Variants in DPP4 observed in about 807,000 individuals in gnomAD.
DPP4 encodes ADCP-2.
A neutral mutation model predicts 122.4 loss-of-function variants in DPP4; 93 were observed. That is an observed-to-expected ratio of 0.76 (90% CI 0.64 to 0.90). DPP4 has a LOEUF of 0.90. Among genes scored for constraint, DPP4 ranks in the 40% least tolerant of loss-of-function variants. DPP4 has a pLI of 0.00. For missense variants in DPP4, 914 were observed against 907.3 expected (o/e 1.01, Z -0.09); for synonymous variants, 321 against 302.9 (o/e 1.06, Z -0.62).
At chr2:162,043,771 T>C (rs79009349) in intron 5 of DPP4, among the ~76,000 whole-genome samples, 3,103 of 152,326 alleles carry the variant, frequency 0.02, 114 homozygotes, top group African/African-American at 0.072. Context: ...CTCATGCCTG[T>C]AATCCTAGCA....
At chr2:162,054,034 G>C (rs1440818243) in intron 2 of DPP4, among the ~76,000 whole-genome samples, 1 of 152,162 alleles carries the variant, frequency 6.6e-6, no homozygotes, top group Non-Finnish European at 1.5e-5. Context: ...TACTGGGGGG[G>C]TGGGGGTGGT....
intron 14 of DPP4, among the ~76,000 whole-genome samples, chr2:162,019,672 T>C (rs1683051337): frequency 6.6e-6 from 1 of 152,022 alleles, no homozygotes; most frequent in Non-Finnish European, 1.5e-5. Flanking sequence ...CCCATGTTCC[T>C]GAGAGCAGCA....
chr2:162,069,909 G>A (rs1168453367), intron 2 of DPP4, among the ~76,000 whole-genome samples: 2 of 152,026 alleles, frequency 1.3e-5, no homozygotes, highest in African/African-American at 4.8e-5. Flanking sequence ...AGCAGTGAAA[G>A]GAGCAAAAGA....
At position 161,995,355 on chromosome 2, in the gene DPP4, GCT is replaced by G. The variant is rs1376449728; in HGVS notation, c.2068_2069del (p.Ser690GlnfsTer3). 4 of 1,613,630 alleles carry G rather than the reference GCT, an allele frequency of 2.5e-6. No individual in the cohort carries two copies. The highest frequency in any genetic ancestry group is 3.4e-6 in the Non-Finnish European group (4 of 1,179,734). ...LDHYRNSTVM[S>X]RAENFKQVEY... The stretch of plus-strand genomic sequence containing the variant: ...CAACTTGTTTAAAATTTTCAGCTCT[GCT>G]CATGACTGTTGAATTCTGGAATTGG... On this transcript the variant is annotated frameshift_variant, in exon 24 of 26. Transcript: ENST00000360534. LOFTEE classifies it high-confidence loss of function.
chr2:162,050,771 C>T (rs1684356405), intron 2 of DPP4, among the ~76,000 whole-genome samples: 1 of 152,194 alleles, frequency 6.6e-6, no homozygotes, highest in South Asian at 2.1e-4. Context: ...AGAGTGCCAA[C>T]TCCAGGTTTT....
chr2:162,073,853 G>T, intron 1 of DPP4, 123 bp downstream of exon 1: 3 of 1,337,094 alleles, frequency 2.2e-6, no homozygotes, highest in Non-Finnish European at 2.1e-6. Context: ...TCAGAGGGTG[G>T]CCTTGGGGCT....
At chr2:162,019,716 T>C (rs187327499) in intron 14 of DPP4, among the ~76,000 whole-genome samples, 3 of 151,950 alleles carry the variant, frequency 2.0e-5, no homozygotes, top group African/African-American at 7.2e-5. Context: ...CAAAAGCTAC[T>C]TCGGGCGGCG....
intron 23 of DPP4, among the ~76,000 whole-genome samples, chr2:162,001,655 T>C (rs560809264): frequency 6.6e-6 from 1 of 152,332 alleles, no homozygotes; most frequent in Non-Finnish European, 1.5e-5. Flanking sequence ...ACTGACCACA[T>C]GAGAGACCAT....
chr2:162,020,424 C>T, intron 13 of DPP4, 128 bp from the exon 14 acceptor site: 1 of 1,011,716 alleles, frequency 9.9e-7, no homozygotes, highest in South Asian at 1.7e-5. Flanking sequence ...TTGGGTTTCC[C>T]CACCTCGTTC....
rs1007381077 is a variant in DPP4, at chr2:162,011,953, C to G, written c.1672G>C (p.Val558Leu). The stretch of plus-strand genomic sequence containing the variant: ...TAAGTGGCCCAGTTCAGTCTGAAGA[C>G]AGTGTCTGCTTTTTGACTACATGGG... Reference protein sequence around the residue: ...AGPCSQKADTVFRLNWATYLA... With the variant: ...AGPCSQKADTLFRLNWATYLA... The change falls in exon 20 of 26, where the codon GTC becomes CTC. Residue 558 changes from valine to leucine, a missense_variant. By Grantham distance (32) the Val-to-Leu change is conservative (BLOSUM62 1). Transcript: ENST00000360534. 5 of 1,613,534 alleles carry G rather than the reference C, an allele frequency of 3.1e-6. No homozygotes were observed. The African/African-American group carries it at 5.3e-5, about 17-fold the overall frequency.
intron 14 of DPP4, among the ~76,000 whole-genome samples, chr2:162,019,555 C>CA (rs142870783): frequency 0.066 from 9,703 of 147,458 alleles, 455 homozygotes; most frequent in African/African-American, 0.13. Flanking sequence ...AGGCTTCTGT[C>CA]AAAAAAAAAA....
intron 14 of DPP4, 130 bp downstream of exon 14, chr2:162,020,099 G>GA (rs1365913380): frequency 1.3e-6 from 1 of 759,012 alleles, no homozygotes; most frequent in Non-Finnish European, 2.1e-6. Context: ...ATGTTAAAAA[G>GA]AAAAAAAGTA....
At chr2:162,051,883 C>G (rs894657343) in intron 2 of DPP4, among the ~76,000 whole-genome samples, 28 of 152,142 alleles carry the variant, frequency 1.8e-4, no homozygotes, top group African/African-American at 6.3e-4. Flanking sequence ...CATTTCTTGC[C>G]TTGGGGCCTT....
At chr2:162,038,774 C>T (rs1189705496) in intron 7 of DPP4, among the ~76,000 whole-genome samples, 175 bp downstream of exon 7, 1 of 152,116 alleles carries the variant, frequency 6.6e-6, no homozygotes, top group Non-Finnish European at 1.5e-5. Context: ...AAGGCAGTTG[C>T]ATTCTGGAAG....
chr2:161,993,129 T>C lies in DPP4; in HGVS notation c.*154A>G. 2 of 590,156 alleles carry C rather than the reference T, an allele frequency of 3.4e-6. No individual in the cohort carries two copies. Among genetic ancestry groups the C allele is most frequent in the South Asian group, 2.2e-5 (1 of 44,838 alleles). The allele number at this position is 590,156 out of a possible 1,614,324, so 36.6% of individuals were successfully genotyped here. A position where few individuals can be genotyped will look rare whatever the true frequency, so the allele number is the denominator to read the frequency against. The stretch of plus-strand genomic sequence containing the variant: ...TGAAGACAGAAGTCCCTACTTAAGA[T>C]GATAGGTATGAAATTTGGGAACAAA... On this transcript the variant is annotated 3_prime_UTR_variant, in exon 26 of 26. Transcript: ENST00000360534.
chr2:162,047,181 G>T (rs1003347824), intron 3 of DPP4, among the ~76,000 whole-genome samples, 175 bp from the exon 4 acceptor site: 9 of 151,628 alleles, frequency 5.9e-5, no homozygotes, highest in African/African-American at 2.2e-4. Context: ...TATTGTCAAG[G>T]TTTCAATTCA....
Position 162,018,825 on chromosome 2 carries a change from C to A in DPP4, c.1324G>T (p.Val442Leu). The A allele has an allele frequency of 6.2e-7, 1 of 1,614,136 alleles. No individual in the cohort carries two copies. The highest frequency in any genetic ancestry group is 1.1e-5 in the South Asian group (1 of 91,070). ...YKIQLSDYTK[V>L]TCLSCELNPE... is the part of the protein sequence containing the mutation. ...TTCAGCTCACAACTGAGGCATGTCA[C>A]TTTTGTATAGTCACTAAGTTGGATT... The change falls in exon 16 of 26, where the codon GTG becomes TTG. Residue 442 changes from valine to leucine, a missense_variant. Physicochemically the swap from Val to Leu is conservative, Grantham distance 32. Coordinates refer to ENST00000360534, the MANE Select transcript of DPP4 (RefSeq NM_001935.4).
chr2:162,065,888 A>G (rs1204236240), intron 2 of DPP4, among the ~76,000 whole-genome samples: 1 of 152,214 alleles, frequency 6.6e-6, no homozygotes, highest in African/African-American at 2.4e-5. Flanking sequence ...CAAAGGCCAT[A>G]TCTATTGTCT....
chr2:162,009,552 T>TGTGTGC (rs71009348), intron 20 of DPP4, among the ~76,000 whole-genome samples: 2 of 149,980 alleles, frequency 1.3e-5, no homozygotes, highest in African/African-American at 5.0e-5. Flanking sequence ...TGTGTGTGTG[T>TGTGTGC]ATGATTCACA....
Sources: gnomAD v4.1 joint callset for allele counts (sites outside exome capture counted in the v4.1 genomes callset) on GRCh38, gnomAD v4.1.1 for gene constraint, MANE v1.5 for transcripts, NCBI Gene and HGNC (gene_info 2026-07-23, HGNC 2026-07-21) for gene names.